Variants in LMF1 observed in about 807,000 individuals in gnomAD.
LMF1 encodes the protein lipase maturation factor 1.
LMF1 carries 68 observed loss-of-function variants against 60.6 expected under a neutral mutation model. That is an observed-to-expected ratio of 1.12 (90% confidence interval 0.92 to 1.37). The LOEUF (loss-of-function observed/expected upper bound fraction) is 1.37, where lower values mean the gene tolerates loss of function less well. LMF1 is among the 40% of genes most tolerant of loss of function. LMF1 has a pLI of 0.00. For synonymous variants in LMF1, 418 were observed against 324.7 expected (o/e 1.29, Z -3.09); for missense variants, 948 against 767.2 (o/e 1.24, Z -2.78).
chr16:922,778 A>G (rs113582241), intron 3 of LMF1, among the ~76,000 whole-genome samples: 9 of 99,534 alleles, frequency 9.0e-5, no homozygotes, highest in Admixed American at 1.0e-4. Flanking sequence ...CCTGTGTGAA[A>G]GTCGCCTGGG....
rs565690564 is a variant in LMF1, at chr16:875,273, C to T, written c.898-3932G>A. ...ACTCACCCCACCAGGCAGCGGACTC[C>T]AAAACGGGGCCAGCACCGGCACTAA... is the stretch of plus-strand genomic sequence containing the variant. On this transcript the variant is annotated intron_variant, in intron 6 of 10. Transcript: ENST00000262301. Among the ~76,000 whole-genome samples the T allele has an allele frequency of 1.8e-3, 273 of 152,152 alleles. 2 individuals carry two copies. The highest frequency in any genetic ancestry group is 3.7e-3 in the South Asian group (18 of 4,820).
Position 953,974 on chromosome 16 carries a change from T to A in LMF1, c.503+383A>T, listed in dbSNP as rs11647431. On this transcript the variant is annotated intron_variant, in intron 2 of 10. Coordinates refer to ENST00000262301, the MANE Select transcript of LMF1 (RefSeq NM_022773.4). Reference sequence around the variant, plus strand: ...ACCCACCCCAAACCAGCCTCCTACATGTCCACACAGACACCCCAAACCAGC... The same window carrying A: ...ACCCACCCCAAACCAGCCTCCTACAAGTCCACACAGACACCCCAAACCAGC... 5.2e-4 allele frequency among the ~76,000 whole-genome samples: 2 copies of A among 3,844 alleles called. 1 individual carries two copies. Among genetic ancestry groups the A allele is most frequent in the Non-Finnish European group, 1.0e-3 (2 of 1,910 alleles). 2.5% of individuals were successfully genotyped at this position (3,844 alleles called of 152,430 possible). A position where few individuals can be genotyped will look rare whatever the true frequency, so the allele number is the denominator to read the frequency against.
chr16:873,716 A>G (rs189246926), intron 6 of LMF1: 3 of 152,476 alleles, frequency 2.0e-5, no homozygotes, highest in Admixed American at 2.0e-4. Context: ...GGTGGGCGTG[A>G]ACCCAGGTCT....
At position 854,572 on chromosome 16, in the gene LMF1, T is replaced by C. The variant is rs775592092; in HGVS notation, c.1664A>G (p.Tyr555Cys). Residue 555 changes from tyrosine to cysteine, a missense_variant, in exon 11 of 11, where the codon TAC becomes TGC. Physicochemically the swap from Tyr to Cys is radical, Grantham distance 194. Transcript: ENST00000262301. ...PPLSLEELRP[Y>C]FRDRGWPLPG... is the part of the protein sequence containing the mutation. ...CAGAGGCCACCCACGGTCCCTGAAG[T>C]AGGGCCTCAGCTCCTCCAGGCTGAG... The C allele has an allele frequency of 6.2e-7, 1 of 1,608,388 alleles. No homozygotes were observed. Among genetic ancestry groups the C allele is most frequent in the Non-Finnish European group, 8.5e-7 (1 of 1,178,930 alleles).
At chr16:946,857 A>C (rs1461306917) in intron 2 of LMF1, among the ~76,000 whole-genome samples, 1 of 152,194 alleles carries the variant, frequency 6.6e-6, no homozygotes, top group East Asian at 1.9e-4. Context: ...GGGCTCAGCA[A>C]GTATCTGCCA....
intron 3 of LMF1, among the ~76,000 whole-genome samples, chr16:912,117 C>G (rs1049976990): frequency 6.6e-6 from 1 of 152,172 alleles, no homozygotes; most frequent in Non-Finnish European, 1.5e-5. Context: ...CTGGATGGGA[C>G]AGAGGCCACC....
intron 10 of LMF1, 158 bp from the exon 11 acceptor site, chr16:854,864 A>C (rs1199299617): frequency 2.8e-6 from 2 of 702,084 alleles, no homozygotes; most frequent in Admixed American, 2.1e-5. Context: ...GACCCCCAGC[A>C]GACCCCGGGC....
At chr16:908,301 C>G (rs4984972) in intron 4 of LMF1, among the ~76,000 whole-genome samples, 44,106 of 152,038 alleles carry the variant, frequency 0.29, 8,356 homozygotes, top group African/African-American at 0.52. Context: ...AAAGTAAACC[C>G]GGAGACAGCA....
At chr16:941,446 C>T (rs2072099034) in intron 2 of LMF1, among the ~76,000 whole-genome samples, 1 of 152,152 alleles carries the variant, frequency 6.6e-6, no homozygotes, top group Non-Finnish European at 1.5e-5. Flanking sequence ...TCTTGAACTC[C>T]TGATGACCTC....
intron 1 of LMF1, 120 bp from the exon 2 acceptor site, chr16:954,786 G>A (rs1475463481): frequency 2.2e-6 from 2 of 907,346 alleles, no homozygotes; most frequent in Admixed American, 2.8e-5. Context: ...CTGGCTGACG[G>A]TTTGGGGCCA....
intron 1 of LMF1, chr16:964,193 G>A: frequency 2.2e-6 from 1 of 450,150 alleles, no homozygotes; most frequent in South Asian, 1.6e-5. Context: ...CTACTCGGGA[G>A]GCTGAGGCAG....
chr16:951,717 T>G (rs1193751251), intron 2 of LMF1, among the ~76,000 whole-genome samples: 1 of 152,164 alleles, frequency 6.6e-6, no homozygotes, highest in East Asian at 1.9e-4. Flanking sequence ...GCAGGTGGGC[T>G]CATGACTCCT....
rs375970696 is a variant in LMF1 at position 854,510 on chromosome 16, C to A, written c.*22G>T. 5.0e-6 allele frequency: 8 copies of A among 1,598,636 alleles called. No individual in the cohort carries two copies. In the South Asian group the frequency reaches 7.8e-5, roughly 16 times the overall value. ...CTGAGCCGCCGAGGGGCTGGGTCTT[C>A]GCCTTTATTTCTGGTGCACGTCTAG... On this transcript the variant is annotated 3_prime_UTR_variant, in exon 11 of 11. Transcript: ENST00000262301.
At chr16:948,351 G>A (rs1483041998) in intron 2 of LMF1, among the ~76,000 whole-genome samples, 2 of 148,578 alleles carry the variant, frequency 1.3e-5, no homozygotes, top group East Asian at 4.1e-4. Context: ...CAGAGCCAAT[G>A]ACAGAGTCAG....
intron 5 of LMF1, among the ~76,000 whole-genome samples, chr16:883,379 G>C (rs1322605676): frequency 1.3e-5 from 2 of 152,200 alleles, no homozygotes; most frequent in African/African-American, 4.8e-5. Flanking sequence ...CTGCCCAGCA[G>C]AACCTGTCAC....
chr16:958,461 C>T (rs2151483265), intron 1 of LMF1, among the ~76,000 whole-genome samples: 1 of 152,330 alleles, frequency 6.6e-6, no homozygotes, highest in East Asian at 1.9e-4. Context: ...TCTGAACAGA[C>T]ATAGGAAGGT....
At chr16:917,597 G>T (rs1007850167) in intron 3 of LMF1, among the ~76,000 whole-genome samples, 27 of 152,350 alleles carry the variant, frequency 1.8e-4, no homozygotes, top group Non-Finnish European at 3.2e-4. Flanking sequence ...CTAGGGGCTT[G>T]TCCAGGCCCG....
At chr16:926,948 T>C (rs2071627926) in intron 3 of LMF1, among the ~76,000 whole-genome samples, 2 of 152,058 alleles carry the variant, frequency 1.3e-5, no homozygotes, top group South Asian at 4.2e-4. Flanking sequence ...TGGCAAGTAG[T>C]GACAGAGAAG....
At position 874,521 on chromosome 16, in the gene LMF1, G is replaced by C. The variant is rs1287108024; in HGVS notation, c.898-3180C>G. On this transcript the variant is annotated intron_variant, in intron 6 of 10. Coordinates refer to ENST00000262301, the MANE Select transcript of LMF1 (RefSeq NM_022773.4). The surrounding 1 kb of genome is among the most constrained non-coding windows in gnomAD (Gnocchi z 4.1). ...CCGTGGGGTGCTGGCTGGGCGGCCGGGCTCTGCGGTCACTGCTCTTGTGCA... is the reference window on the plus strand; with the variant it reads ...CCGTGGGGTGCTGGCTGGGCGGCCGCGCTCTGCGGTCACTGCTCTTGTGCA... Among the ~76,000 whole-genome samples the C allele has an allele frequency of 6.6e-6, 1 of 152,206 alleles. No homozygotes were observed. The highest frequency in any genetic ancestry group is 2.4e-5 in the African/African-American group (1 of 41,462).
Sources: allele counts gnomAD v4.1 joint callset (sites outside exome capture counted in the v4.1 genomes callset), GRCh38; gene constraint gnomAD v4.1.1; non-coding constraint Gnocchi (gnomAD v3.1); transcripts MANE v1.5; gene names NCBI Gene and HGNC (gene_info 2026-07-23, HGNC 2026-07-21).